The following MARCHF4 variants were observed in gnomAD, a reference collection of about 807,000 sequenced individuals.
MARCHF4 encodes the protein E3 ubiquitin-protein ligase MARCHF4.
Under a neutral mutation model 43.9 loss-of-function variants are expected in MARCHF4, and 14 were observed. The ratio of observed to expected loss-of-function variants is 0.32; its 90% CI spans 0.21 to 0.50. The LOEUF is 0.50. MARCHF4 is among the 20% of genes least tolerant of loss of function. The pLI is 0.98. For missense variants in MARCHF4, 468 were observed against 536.7 expected (o/e 0.87, Z 1.27); for synonymous variants, 226 against 213.3 (o/e 1.06, Z -0.52).
rs995224358 is a variant in MARCHF4 at position 216,372,306 on chromosome 2, G to C, written c.-2046C>G. Among the ~76,000 whole-genome samples, 4 of 152,196 alleles carry C rather than the reference G, an allele frequency of 2.6e-5. No individual in the cohort carries two copies. Among genetic ancestry groups the C allele is most frequent in the African/African-American group, 9.6e-5 (4 of 41,538 alleles). On this transcript the variant is annotated 5_prime_UTR_variant, in exon 1 of 4. Transcript: ENST00000273067. Reference sequence around the variant, plus strand: ...GAGGCTCTCGGCTATCTCCGCCGCCGGCGCCGCGGCCGCCGCTGCTGCATT... The same window carrying C: ...GAGGCTCTCGGCTATCTCCGCCGCCCGCGCCGCGGCCGCCGCTGCTGCATT...
intron 1 of MARCHF4, among the ~76,000 whole-genome samples, chr2:216,331,779 A>G (rs1443281472): frequency 6.6e-6 from 1 of 152,246 alleles, no homozygotes. Context: ...TTTAACACCC[A>G]TGAATGAAAA....
chr2:216,296,563 GT>G (rs1479658981), intron 1 of MARCHF4, among the ~76,000 whole-genome samples: 2 of 152,142 alleles, frequency 1.3e-5, no homozygotes, highest in Non-Finnish European at 2.9e-5. Flanking sequence ...GCAACTGGGG[GT>G]TTTGTTTTGT....
intron 3 of MARCHF4, among the ~76,000 whole-genome samples, chr2:216,268,165 C>T (rs926004043): frequency 9.2e-5 from 14 of 152,322 alleles, no homozygotes; most frequent in East Asian, 1.9e-4. Context: ...CAAGCCCTGG[C>T]ATCTCAGTGT....
At chr2:216,295,129 G>T (rs1026993527) in intron 1 of MARCHF4, among the ~76,000 whole-genome samples, 1 of 152,234 alleles carries the variant, frequency 6.6e-6, no homozygotes, top group Admixed American at 6.5e-5. Flanking sequence ...GCAGACCGAG[G>T]CTGGCTGGGT....
chr2:216,263,507 G>GAGAGAA (rs1553591469), intron 3 of MARCHF4, among the ~76,000 whole-genome samples: 9 of 129,590 alleles, frequency 6.9e-5, no homozygotes, highest in Non-Finnish European at 1.0e-4. Context: ...GAGAGAGAGA[G>GAGAGAA]AGAGAGAGAG....
At chr2:216,350,513 C>CCACTGTGCCACACCACCA (rs556057221) in intron 1 of MARCHF4, among the ~76,000 whole-genome samples, 8 of 150,492 alleles carry the variant, frequency 5.3e-5, no homozygotes, top group Non-Finnish European at 8.9e-5. Context: ...CACACCATCA[C>CCACTGTGCCACACCACCA]CACTGTGCCA....
intron 1 of MARCHF4, among the ~76,000 whole-genome samples, chr2:216,358,311 T>C (rs757767743): frequency 8.5e-5 from 13 of 152,202 alleles, no homozygotes; most frequent in Non-Finnish European, 1.9e-4. Flanking sequence ...GCTAATTTTC[T>C]CCAAAAGCAT....
intron 1 of MARCHF4, among the ~76,000 whole-genome samples, chr2:216,362,365 A>G (rs1510836): frequency 0.53 from 80,274 of 152,136 alleles, 23,031 homozygotes; most frequent in East Asian, 0.79. Flanking sequence ...GAACATGTGC[A>G]AGTAGCAGGG....
At chr2:216,312,877 T>C (rs1238327681) in intron 1 of MARCHF4, among the ~76,000 whole-genome samples, 6 of 150,038 alleles carry the variant, frequency 4.0e-5, no homozygotes, top group Non-Finnish European at 8.9e-5. Context: ...CAGAAGCTTT[T>C]TTGGTTTAAC....
intron 1 of MARCHF4, among the ~76,000 whole-genome samples, chr2:216,331,241 C>T (rs951249022): frequency 2.0e-5 from 3 of 151,966 alleles, no homozygotes; most frequent in Non-Finnish European, 2.9e-5. Context: ...TTATGCCAAA[C>T]ATTTTAGAAA....
chr2:216,351,042 AG>A (rs903698151), intron 1 of MARCHF4, among the ~76,000 whole-genome samples: 13 of 152,202 alleles, frequency 8.5e-5, no homozygotes, highest in African/African-American at 2.4e-4. Flanking sequence ...AATCCATAGG[AG>A]GGGAAAGGGA....
chr2:216,289,247 C>A (rs577354524), intron 1 of MARCHF4, among the ~76,000 whole-genome samples: 129 of 143,126 alleles, frequency 9.0e-4, no homozygotes, highest in African/African-American at 2.6e-3. Context: ...GCCCCCCACC[C>A]AAGTTGCTGC....
chr2:216,271,511 G>C (rs1026825352), intron 3 of MARCHF4, among the ~76,000 whole-genome samples: 4 of 152,096 alleles, frequency 2.6e-5, no homozygotes, highest in Admixed American at 2.6e-4. Context: ...AGCTCCTTGA[G>C]GGCAAGGAAT....
At chr2:216,329,496 T>C (rs1396946194) in intron 1 of MARCHF4, among the ~76,000 whole-genome samples, 1 of 151,762 alleles carries the variant, frequency 6.6e-6, no homozygotes, top group Non-Finnish European at 1.5e-5. Flanking sequence ...TATTGGACCA[T>C]AGTAAGAAAG....
At chr2:216,366,144 G>T (rs558737652) in intron 1 of MARCHF4, among the ~76,000 whole-genome samples, 8 of 152,138 alleles carry the variant, frequency 5.3e-5, no homozygotes, top group African/African-American at 1.9e-4. Context: ...TTATAGTATT[G>T]ACTGATTTGA....
chr2:216,280,818 A>G (rs1691115064), intron 2 of MARCHF4, among the ~76,000 whole-genome samples: 1 of 152,200 alleles, frequency 6.6e-6, no homozygotes, highest in African/African-American at 2.4e-5. Flanking sequence ...TAAATTATAC[A>G]ATATATGTGA....
At chr2:216,341,733 A>G (rs987651402) in intron 1 of MARCHF4, among the ~76,000 whole-genome samples, 6 of 152,132 alleles carry the variant, frequency 3.9e-5, no homozygotes, top group Admixed American at 6.5e-5. Flanking sequence ...ATAGACACCA[A>G]TCCATCAGCC....
chr2:216,320,637 T>TTCTG (rs1476224528), intron 1 of MARCHF4, among the ~76,000 whole-genome samples: 1 of 116,514 alleles, frequency 8.6e-6, no homozygotes, highest in Non-Finnish European at 1.7e-5. Context: ...CTTTCTTTCT[T>TTCTG]TCTTTCTTTC....
At chr2:216,304,711 AGGGAGGCTGAGGTGGGC>A (rs1407585729) in intron 1 of MARCHF4, among the ~76,000 whole-genome samples, 2 of 152,112 alleles carry the variant, frequency 1.3e-5, no homozygotes, top group East Asian at 3.9e-4. Context: ...AAACATTCAT[AGGGAGGCTGAGGTGGGC>A]GGATCACCTG....
Sources: allele counts gnomAD v4.1 joint callset (sites outside exome capture counted in the v4.1 genomes callset), GRCh38; gene constraint gnomAD v4.1.1; transcripts MANE v1.5; gene names NCBI Gene and HGNC (gene_info 2026-07-23, HGNC 2026-07-21).